The following CBFA2T3 variants were observed in gnomAD, a reference collection of about 807,000 sequenced individuals.
CBFA2T3 encodes CBFA2/RUNX1 partner transcriptional co-repressor 3.
Under a neutral mutation model 58.6 loss-of-function variants are expected in CBFA2T3, and 31 were observed. The observed-to-expected ratio is 0.53, with a 90% CI of 0.40 to 0.71. The LOEUF is 0.71. Ranked by LOEUF, CBFA2T3 falls within the 30% of genes least tolerant of loss-of-function variation. CBFA2T3 has a pLI of 0.00. For synonymous variants in CBFA2T3, 531 were observed against 421.9 expected (o/e 1.26, Z -3.17); for missense variants, 1,076 against 963.1 (o/e 1.12, Z -1.55).
intron 5 of CBFA2T3, among the ~76,000 whole-genome samples, chr16:88,891,477 G>A (rs1969627479): frequency 6.6e-6 from 1 of 152,216 alleles, no homozygotes; most frequent in African/African-American, 2.4e-5. Flanking sequence ...GGGACCTGCT[G>A]CATGTCCTGG....
intron 1 of CBFA2T3, among the ~76,000 whole-genome samples, chr16:88,907,915 G>GT (rs1970393447): frequency 6.6e-6 from 1 of 152,234 alleles, no homozygotes; most frequent in Non-Finnish European, 1.5e-5. Context: ...CCTCTATGCG[G>GT]TTTTCCCCAA....
At chr16:88,942,403 T>G (rs904990097) in intron 1 of CBFA2T3, among the ~76,000 whole-genome samples, 2 of 152,152 alleles carry the variant, frequency 1.3e-5, no homozygotes, top group South Asian at 2.1e-4. Flanking sequence ...TGCCTCTCAT[T>G]TCGCATAAAT....
intron 1 of CBFA2T3, among the ~76,000 whole-genome samples, chr16:88,906,919 T>A (rs1300651308): frequency 6.6e-6 from 1 of 152,154 alleles, no homozygotes; most frequent in Non-Finnish European, 1.5e-5. Flanking sequence ...CGCGGCCCTG[T>A]GGGTGTCACA....
chr16:88,880,783 G>A lies in CBFA2T3; in HGVS notation c.1408C>T (p.Pro470Ser), dbSNP rs1182637859. 2 of 1,582,854 alleles carry A rather than the reference G, an allele frequency of 1.3e-6. No homozygotes were observed. Among genetic ancestry groups the A allele is most frequent in the Non-Finnish European group, 1.7e-6 (2 of 1,164,170 alleles). Reference protein sequence around the residue: ...AGPEGPQLDVPREFLPRTLTG... With the variant: ...AGPEGPQLDVSREFLPRTLTG... ...AGGGTCCTCGGCAGGAACTCGCGAG[G>A]CACGTCTGAAACAGGGGCCGGCGTC... The change falls in exon 10 of 12, where the codon CCT becomes TCT. Residue 470 changes from proline to serine, a missense_variant. Coordinates refer to ENST00000268679, the MANE Select transcript of CBFA2T3 (RefSeq NM_005187.6).
chr16:88,914,963 C>CGCTGCCGGCCTCCATTCGGGAG (rs1289659397), intron 1 of CBFA2T3, among the ~76,000 whole-genome samples: 1 of 143,866 alleles, frequency 7.0e-6, no homozygotes, highest in Admixed American at 6.9e-5. Flanking sequence ...CTGGGCCGCC[C>CGCTGCCGGCCTCCATTCGGGAG]GCTGCCGGGG....
chr16:88,911,028 T>C (rs1270704009), intron 1 of CBFA2T3, among the ~76,000 whole-genome samples: 2 of 152,180 alleles, frequency 1.3e-5, no homozygotes, highest in South Asian at 4.1e-4. Flanking sequence ...TAAGCAGCCA[T>C]ATAAACACGG....
chr16:88,904,104 C>T lies in CBFA2T3; in HGVS notation c.152-2448G>A, dbSNP rs571189471. Reference sequence around the variant, plus strand: ...AACAAGGGCTCATGGCCACCACCTGCGTGCTCACGGCCACCACCTGCGTGC... The same window carrying T: ...AACAAGGGCTCATGGCCACCACCTGTGTGCTCACGGCCACCACCTGCGTGC... On this transcript the variant is annotated intron_variant, in intron 1 of 11. Coordinates refer to ENST00000268679, the MANE Select transcript of CBFA2T3 (RefSeq NM_005187.6). Among the ~76,000 whole-genome samples, 7 of 151,926 alleles carry T rather than the reference C, an allele frequency of 4.6e-5. No homozygotes were observed. In the East Asian group the frequency reaches 7.7e-4, roughly 17 times the overall value.
intron 1 of CBFA2T3, among the ~76,000 whole-genome samples, chr16:88,974,475 G>A (rs1972741726): frequency 6.6e-6 from 1 of 152,020 alleles, no homozygotes; most frequent in African/African-American, 2.4e-5. Flanking sequence ...GCTGTCAGAG[G>A]AGACGAGGGG....
intron 1 of CBFA2T3, among the ~76,000 whole-genome samples, chr16:88,918,654 G>A (rs1402171623): frequency 6.6e-6 from 1 of 152,242 alleles, no homozygotes; most frequent in East Asian, 1.9e-4. Flanking sequence ...AGGGAGGGCT[G>A]AGCAGAGCTA....
chr16:88,877,223 G>A lies in CBFA2T3; in HGVS notation c.1715C>T (p.Ala572Val), dbSNP rs375373107. 5.6e-5 allele frequency: 87 copies of A among 1,556,164 alleles called. No individual in the cohort carries two copies. The highest frequency in any genetic ancestry group is 1.8e-4 in the African/African-American group (13 of 73,398). ...KASETCSGCN[A>V]ARYCGSFCQH... The stretch of plus-strand genomic sequence containing the variant: ...GCAGAAGGACCCGCAGTAGCGTGCC[G>A]CGTTGCAGCCGCTGCACGTCTCACT... The change falls in exon 12 of 12, where the codon GCG becomes GTG. Residue 572 changes from alanine to valine, a missense_variant. Physicochemically the swap from Ala to Val is moderately conservative, Grantham distance 64. Transcript: ENST00000268679.
rs767482759 is a variant in CBFA2T3, at chr16:88,944,336, C to CAA, written c.151+32319_151+32320dup. 4.4e-3 allele frequency among the ~76,000 whole-genome samples: 182 copies of CAA among 41,518 alleles called. 1 individual carries two copies. The highest frequency in any genetic ancestry group is 0.012 in the African/African-American group (137 of 11,096). The allele number at this position is 41,518 out of a possible 152,430, so 27.2% of individuals were successfully genotyped here. Reference sequence around the variant, plus strand: ...TGGGTGACAGAGCGAGACTCCATCTCAAAAAAAAAAAAAAAAAAAAAAAGG... The same window carrying CAA: ...TGGGTGACAGAGCGAGACTCCATCTCAAAAAAAAAAAAAAAAAAAAAAAAAGG... On this transcript the variant is annotated intron_variant, in intron 1 of 11. Transcript: ENST00000268679.
At position 88,886,066 on chromosome 16, in the gene CBFA2T3, G is replaced by A; in HGVS notation, c.788C>T (p.Ala263Val). The change falls in exon 6 of 12, where the codon GCC (alanine) becomes GTC (valine). Residue 263 changes from alanine to valine, a missense_variant. Coordinates refer to ENST00000268679, the MANE Select transcript of CBFA2T3 (RefSeq NM_005187.6). ...GTCCAGCAGGAGCTGCTCATGCTGG[G>A]CCAAGTACTGGGCGGGCGTCTGCTT... ...LAKQTPAQYL[A>V]QHEQLLLDAS... is the part of the protein sequence containing the mutation. 6.3e-7 allele frequency: 1 copy of A among 1,590,342 alleles called. No individual in the cohort carries two copies. Among genetic ancestry groups the A allele is most frequent in the South Asian group, 1.1e-5 (1 of 87,858 alleles).
chr16:88,894,547 TACACACATGC>T (rs1375445422), intron 3 of CBFA2T3, among the ~76,000 whole-genome samples: 1 of 134,584 alleles, frequency 7.4e-6, no homozygotes, highest in African/African-American at 3.0e-5. Context: ...GCACACAATG[TACACACATGC>T]ACACACACAT....
chr16:88,918,616 A>G (rs1314726195), intron 1 of CBFA2T3, among the ~76,000 whole-genome samples: 1 of 152,234 alleles, frequency 6.6e-6, no homozygotes, highest in Admixed American at 6.5e-5. Context: ...CCCACACAGG[A>G]GGCTGGGTGG....
At chr16:88,952,833 T>C (rs1972112156) in intron 1 of CBFA2T3, among the ~76,000 whole-genome samples, 1 of 152,068 alleles carries the variant, frequency 6.6e-6, no homozygotes, top group Admixed American at 6.5e-5. Context: ...GCGGACCCCC[T>C]GGAGCCACAG....
intron 1 of CBFA2T3, 131 bp downstream of exon 1, chr16:88,976,526 T>G (rs1340121594): frequency 4.4e-6 from 3 of 687,146 alleles, no homozygotes; most frequent in African/African-American, 1.8e-5. Flanking sequence ...CTGAGGTGAG[T>G]CAACACGGCC....
At chr16:88,927,377 C>T (rs1193427131) in intron 1 of CBFA2T3, among the ~76,000 whole-genome samples, 1 of 152,208 alleles carries the variant, frequency 6.6e-6, no homozygotes, top group African/African-American at 2.4e-5. Context: ...AACTGGGGGC[C>T]CCAGATCCTC....
At chr16:88,932,512 T>G (rs528004049) in intron 1 of CBFA2T3, among the ~76,000 whole-genome samples, 4 of 151,716 alleles carry the variant, frequency 2.6e-5, no homozygotes, top group African/African-American at 9.7e-5. Flanking sequence ...CTGGGCATAG[T>G]GGTGAACACC....
At chr16:88,940,019 C>G (rs1359349872) in intron 1 of CBFA2T3, 1 of 152,350 alleles carries the variant, frequency 6.6e-6, no homozygotes, top group Non-Finnish European at 1.5e-5. Context: ...GGAGAGGAAA[C>G]GCACACCCGG....
Sources: allele counts gnomAD v4.1 joint callset (sites outside exome capture counted in the v4.1 genomes callset), GRCh38; gene constraint gnomAD v4.1.1; transcripts MANE v1.5; gene names NCBI Gene and HGNC (gene_info 2026-07-23, HGNC 2026-07-21).